The following NELL1 variants were observed in gnomAD, a reference collection of about 807,000 sequenced individuals.
NELL1 encodes the protein protein kinase C-binding protein NELL1.
NELL1 carries 76 observed loss-of-function variants against 107.4 expected under a neutral mutation model. The ratio of observed to expected loss-of-function variants is 0.71; its 90% confidence interval spans 0.59 to 0.86. The LOEUF is 0.86. NELL1 is among the 40% of genes least tolerant of loss of function. The pLI is 0.00. For missense variants in NELL1, 1,024 were observed against 1,005.5 expected (o/e 1.02, Z -0.25); for synonymous variants, 353 against 341.2 (o/e 1.03, Z -0.38).
chr11:21,104,682 A>G (rs1854904536), intron 12 of NELL1, among the ~76,000 whole-genome samples: 1 of 152,210 alleles, frequency 6.6e-6, no homozygotes, highest in Non-Finnish European at 1.5e-5. Flanking sequence ...TGCTTGACGC[A>G]TATGTTAGAA....
At chr11:20,829,412 G>A (rs1308121700) in intron 3 of NELL1, among the ~76,000 whole-genome samples, 1 of 151,882 alleles carries the variant, frequency 6.6e-6, no homozygotes, top group African/African-American at 2.4e-5. Flanking sequence ...TTTTTTAGTA[G>A]AGAAGAGGTT....
chr11:20,868,186 C>T (rs879310777), intron 4 of NELL1, among the ~76,000 whole-genome samples: 2 of 152,074 alleles, frequency 1.3e-5, no homozygotes, highest in East Asian at 3.8e-4. Flanking sequence ...TGTTTAAGGT[C>T]CTAGAAGCAG....
intron 13 of NELL1, among the ~76,000 whole-genome samples, chr11:21,200,751 G>T (rs946120267): frequency 6.6e-6 from 1 of 152,222 alleles, no homozygotes; most frequent in Admixed American, 6.5e-5. Context: ...TTCTTCTAGG[G>T]TTTTTATGGT....
intron 5 of NELL1, among the ~76,000 whole-genome samples, chr11:20,887,394 T>C (rs956976022): frequency 2.6e-5 from 4 of 152,246 alleles, no homozygotes; most frequent in Non-Finnish European, 4.4e-5. Flanking sequence ...ATTAAGTGTA[T>C]GTTTAAATTC....
chr11:21,023,125 A>T (rs1852739808), intron 12 of NELL1, among the ~76,000 whole-genome samples: 1 of 152,074 alleles, frequency 6.6e-6, no homozygotes, highest in Non-Finnish European at 1.5e-5. Context: ...AAAGCAAAAC[A>T]CTATAAAGAC....
At chr11:20,855,089 C>T (rs111854158) in intron 4 of NELL1, among the ~76,000 whole-genome samples, 1 of 152,154 alleles carries the variant, frequency 6.6e-6, no homozygotes, top group African/African-American at 2.4e-5. Flanking sequence ...ATCAACCTCG[C>T]TAGGTGGATT....
intron 14 of NELL1, among the ~76,000 whole-genome samples, chr11:21,247,591 C>G (rs1858527612): frequency 6.6e-6 from 1 of 152,168 alleles, no homozygotes; most frequent in South Asian, 2.1e-4. Context: ...CCAATGGTAA[C>G]AGTGCCTTAT....
intron 5 of NELL1, among the ~76,000 whole-genome samples, chr11:20,917,843 C>T (rs1255539031): frequency 6.6e-6 from 1 of 151,834 alleles, no homozygotes; most frequent in African/African-American, 2.4e-5. Context: ...TAAAAAAATC[C>T]TGTAAATCAG....
chr11:21,305,955 C>T (rs908039544), intron 14 of NELL1, among the ~76,000 whole-genome samples: 2 of 151,914 alleles, frequency 1.3e-5, no homozygotes, highest in African/African-American at 4.8e-5. Flanking sequence ...CCCATACTCG[C>T]AGTGAAATTA....
At chr11:21,015,136 C>T (rs1852536122) in intron 12 of NELL1, among the ~76,000 whole-genome samples, 1 of 151,910 alleles carries the variant, frequency 6.6e-6, no homozygotes, top group African/African-American at 2.4e-5. Flanking sequence ...TCTTCCTTTT[C>T]CCCTTATTCT....
rs543613209 is a variant in NELL1, at chr11:21,171,101, T to C, written c.1426+57387T>C. On this transcript the variant is annotated intron_variant, in intron 13 of 19. Coordinates refer to ENST00000357134, the MANE Select transcript of NELL1 (RefSeq NM_006157.5). ...CAGCCTTTGCCTTACGGCTGTCCTC[T>C]AGATGTTTTCCTAATATTCTGAAAC... Among the ~76,000 whole-genome samples the C allele has an allele frequency of 2.0e-5, 3 of 151,976 alleles. No individual in the cohort carries two copies. In the South Asian group the frequency reaches 6.2e-4, roughly 32 times the overall value.
At chr11:20,675,997 C>T (rs1413489604) in intron 1 of NELL1, among the ~76,000 whole-genome samples, 1 of 152,108 alleles carries the variant, frequency 6.6e-6, no homozygotes, top group African/African-American at 2.4e-5. Flanking sequence ...AGTCCTCCTG[C>T]CTCAGCCTCC....
intron 3 of NELL1, among the ~76,000 whole-genome samples, chr11:20,814,458 G>A (rs7109624): frequency 0.044 from 6,635 of 152,152 alleles, 157 homozygotes; most frequent in South Asian, 0.084. Context: ...CCCTCCCACC[G>A]CTCTAAATAG....
At chr11:20,710,875 C>T (rs1343061601) in intron 2 of NELL1, among the ~76,000 whole-genome samples, 7 of 151,714 alleles carry the variant, frequency 4.6e-5, no homozygotes, top group Non-Finnish European at 8.8e-5. Flanking sequence ...TGTAATATCT[C>T]CTGTTTCATT....
intron 2 of NELL1, among the ~76,000 whole-genome samples, chr11:20,717,789 T>G (rs965153459): frequency 1.3e-5 from 2 of 152,236 alleles, no homozygotes; most frequent in African/African-American, 2.4e-5. Context: ...CTTTAATTTT[T>G]GTCCCCCAGT....
chr11:20,688,102 A>T lies in NELL1; in HGVS notation c.184+10042A>T, dbSNP rs193053444. Among the ~76,000 whole-genome samples, 7 of 152,250 alleles carry T rather than the reference A, an allele frequency of 4.6e-5. No homozygotes were observed. In the East Asian group the frequency reaches 9.7e-4, roughly 21 times the overall value. On this transcript the variant is annotated intron_variant, in intron 2 of 19. Transcript: ENST00000357134. ...TTATTTTATTTAGTATACTTTTAGT[A>T]AGAGAATTTAAAGAAGTCCATTGTG... is the stretch of plus-strand genomic sequence containing the variant.
intron 2 of NELL1, among the ~76,000 whole-genome samples, chr11:20,767,180 C>T (rs1051361891): frequency 1.3e-5 from 2 of 152,114 alleles, no homozygotes; most frequent in African/African-American, 2.4e-5. Flanking sequence ...CGGACCTTCG[C>T]GGTGAGTGTA....
chr11:21,223,401 A>G (rs760818245), intron 13 of NELL1, among the ~76,000 whole-genome samples: 19 of 151,884 alleles, frequency 1.3e-4, no homozygotes, highest in Non-Finnish European at 2.4e-4. Flanking sequence ...CACTTTTGAT[A>G]TCTATTTGTG....
intron 15 of NELL1, among the ~76,000 whole-genome samples, chr11:21,469,021 T>G (rs960297025): frequency 2.0e-5 from 3 of 151,982 alleles, no homozygotes; most frequent in African/African-American, 7.2e-5. Context: ...TTTTGTTTTG[T>G]TTTGTTTTGC....
Sources: allele counts gnomAD v4.1 joint callset (sites outside exome capture counted in the v4.1 genomes callset), GRCh38; gene constraint gnomAD v4.1.1; transcripts MANE v1.5; gene names NCBI Gene and HGNC (gene_info 2026-07-23, HGNC 2026-07-21).